The following ENTREP2 variants were observed in gnomAD, a reference collection of about 807,000 sequenced individuals.
ENTREP2 encodes protein ENTREP2.
the ENTREP2 span, among the ~76,000 whole-genome samples, chr15:29,649,056 G>GCA: frequency 8.0e-6 from 1 of 124,568 alleles, no homozygotes; most frequent in African/African-American, 3.5e-5. Context: ...AGGGACACAT[G>GCA]TACACACACA....
the ENTREP2 span, among the ~76,000 whole-genome samples, chr15:29,294,452 G>A: frequency 6.6e-6 from 1 of 152,192 alleles, no homozygotes; most frequent in East Asian, 1.9e-4. Flanking sequence ...GGGATGAGTA[G>A]GGAGACAGCC....
chr15:29,400,853 C>T, the ENTREP2 span, among the ~76,000 whole-genome samples: 281 of 152,310 alleles, frequency 1.8e-3, 1 homozygote, highest in African/African-American at 6.5e-3. Context: ...CGTGTGAGGT[C>T]GGAGGCTCCT....
the ENTREP2 span, among the ~76,000 whole-genome samples, chr15:29,637,245 T>C: frequency 2.6e-5 from 4 of 152,186 alleles, no homozygotes; most frequent in Non-Finnish European, 5.9e-5. Context: ...ACAATGTCAG[T>C]AAATCATTTC....
chr15:29,595,909 A>G, the ENTREP2 span, among the ~76,000 whole-genome samples: 2 of 151,840 alleles, frequency 1.3e-5, no homozygotes, highest in Non-Finnish European at 2.9e-5. Flanking sequence ...ATGGGAATTT[A>G]TTTTGTGAGC....
At chr15:29,368,836 A>G in the ENTREP2 span, among the ~76,000 whole-genome samples, 4 of 152,172 alleles carry the variant, frequency 2.6e-5, no homozygotes, top group Admixed American at 6.5e-5. Flanking sequence ...AGCTATGATC[A>G]TACCACTGCA....
the ENTREP2 span, among the ~76,000 whole-genome samples, chr15:29,301,104 C>G: frequency 6.6e-6 from 1 of 152,104 alleles, no homozygotes; most frequent in Non-Finnish European, 1.5e-5. Context: ...TTTGGATTTT[C>G]TAACCATGCT....
the ENTREP2 span, among the ~76,000 whole-genome samples, chr15:29,176,737 T>G: frequency 6.6e-6 from 1 of 152,186 alleles, no homozygotes; most frequent in African/African-American, 2.4e-5. Flanking sequence ...TCTCTTTCCC[T>G]CCTTCCCTCC....
At chr15:29,660,457 G>C in the ENTREP2 span, among the ~76,000 whole-genome samples, 1 of 151,730 alleles carries the variant, frequency 6.6e-6, no homozygotes, top group Non-Finnish European at 1.5e-5. Flanking sequence ...GCAGCCTCCA[G>C]AACTGAGAGA....
At chr15:29,151,593 C>A in the ENTREP2 span, 1 of 643,066 alleles carries the variant, frequency 1.6e-6, no homozygotes. Context: ...GCTTGGTCTT[C>A]CAGAGGGCAA....
chr15:29,568,037 G>C, the ENTREP2 span, among the ~76,000 whole-genome samples: 1 of 152,182 alleles, frequency 6.6e-6, no homozygotes, highest in Non-Finnish European at 1.5e-5. Flanking sequence ...GCATATATAT[G>C]GCAATGGGTC....
chr15:29,371,094 A>G, the ENTREP2 span, among the ~76,000 whole-genome samples: 3 of 152,058 alleles, frequency 2.0e-5, no homozygotes. Flanking sequence ...AACTTGAGGT[A>G]CCTCTGAACC....
chr15:29,408,147 A>G, the ENTREP2 span, among the ~76,000 whole-genome samples: 2 of 152,138 alleles, frequency 1.3e-5, no homozygotes, highest in African/African-American at 4.8e-5. Context: ...GCTGATCTCC[A>G]TGGTGGCTCC....
chr15:29,189,929 A>T, the ENTREP2 span, among the ~76,000 whole-genome samples: 2 of 152,230 alleles, frequency 1.3e-5, no homozygotes, highest in Non-Finnish European at 1.5e-5. Flanking sequence ...CTTTTTCAGT[A>T]GCACTTGTCC....
At chr15:29,138,520 G>A in the ENTREP2 span, among the ~76,000 whole-genome samples, 4 of 152,078 alleles carry the variant, frequency 2.6e-5, no homozygotes, top group East Asian at 7.7e-4. Flanking sequence ...GGGTGAGTGC[G>A]TGTGTGTCTG....
At chr15:29,280,026 A>G in the ENTREP2 span, among the ~76,000 whole-genome samples, 2 of 152,356 alleles carry the variant, frequency 1.3e-5, no homozygotes, top group African/African-American at 4.8e-5. Context: ...CCTGTGCTCA[A>G]CTAGAATTCT....
At chr15:29,169,140 C>T in the ENTREP2 span, among the ~76,000 whole-genome samples, 7,122 of 152,246 alleles carry the variant, frequency 0.047, 546 homozygotes, top group African/African-American at 0.16. Flanking sequence ...TATACACATA[C>T]ATGCATATAT....
the ENTREP2 span, chr15:29,233,634 G>C: frequency 1.3e-6 from 1 of 791,626 alleles, no homozygotes; most frequent in African/African-American, 1.7e-5. Flanking sequence ...GTGTGCGAGA[G>C]CTTAGTTTAT....
At chr15:29,437,300 C>A in the ENTREP2 span, among the ~76,000 whole-genome samples, 2 of 152,146 alleles carry the variant, frequency 1.3e-5, no homozygotes. Flanking sequence ...AAAAACATAA[C>A]TGCAATATTG....
chr15:29,556,435 C>G, the ENTREP2 span, among the ~76,000 whole-genome samples: 1 of 152,030 alleles, frequency 6.6e-6, no homozygotes, highest in Non-Finnish European at 1.5e-5. Context: ...TCATTCTTCA[C>G]AAGGAAGGAA....
Sources: gnomAD v4.1 joint callset for allele counts (sites outside exome capture counted in the v4.1 genomes callset) on GRCh38, gnomAD v4.1.1 for gene constraint, MANE v1.5 for transcripts, NCBI Gene and HGNC (gene_info 2026-07-23, HGNC 2026-07-21) for gene names.